The following SHISAL1 variants were observed in gnomAD, a reference collection of about 807,000 sequenced individuals.
The protein encoded by SHISAL1 is shisa like 1.
SHISAL1 carries 9 observed loss-of-function variants against 22.6 expected under a neutral mutation model. The observed-to-expected ratio is 0.40, with a 90% CI of 0.24 to 0.70. The LOEUF (loss-of-function observed/expected upper bound fraction) is 0.70, where lower values mean the gene tolerates loss of function less well. Ranked by LOEUF, SHISAL1 falls within the 30% of genes least tolerant of loss-of-function variation. The pLI, the probability that SHISAL1 is intolerant of heterozygous loss-of-function variation, is 0.39. For synonymous variants in SHISAL1, 119 were observed against 115.4 expected (o/e 1.03, Z -0.20); for missense variants, 246 against 270.6 (o/e 0.91, Z 0.64).
intron 1 of SHISAL1, among the ~76,000 whole-genome samples, chr22:44,302,212 T>A (rs2055434963): frequency 1.3e-5 from 2 of 151,890 alleles, no homozygotes; most frequent in Non-Finnish European, 2.9e-5. Flanking sequence ...TGGTGGTGCA[T>A]GTCTGTAGTC....
intron 4 of SHISAL1, among the ~76,000 whole-genome samples, chr22:44,285,226 C>T (rs1269906117): frequency 6.6e-6 from 1 of 152,202 alleles, no homozygotes; most frequent in Non-Finnish European, 1.5e-5. Context: ...GCTCTGTTTC[C>T]ACCTCTCATT....
intron 3 of SHISAL1, among the ~76,000 whole-genome samples, chr22:44,290,439 G>C (rs1303387307): frequency 2.0e-5 from 3 of 150,920 alleles, no homozygotes; most frequent in Non-Finnish European, 4.4e-5. Flanking sequence ...TGAGGCAGGG[G>C]AATTGCTTTA....
chr22:44,305,591 G>A (rs1355735319), intron 1 of SHISAL1, among the ~76,000 whole-genome samples: 4 of 152,216 alleles, frequency 2.6e-5, no homozygotes, highest in Non-Finnish European at 5.9e-5. Context: ...CAGGGACTGG[G>A]TGGGAATCCC....
chr22:44,261,077 T>TATATATA (rs1555925738), intron 4 of SHISAL1, among the ~76,000 whole-genome samples: 2 of 108,746 alleles, frequency 1.8e-5, no homozygotes, highest in African/African-American at 3.6e-5. Context: ...CTTCATTACT[T>TATATATA]TATATATATA....
At chr22:44,318,818 G>C in the SHISAL1 span, among the ~76,000 whole-genome samples, 1 of 152,336 alleles carries the variant, frequency 6.6e-6, no homozygotes, top group African/African-American at 2.4e-5. Context: ...CATGACCCTC[G>C]GGTGAGGACA....
At chr22:44,297,928 C>G (rs1375814409) in intron 2 of SHISAL1, among the ~76,000 whole-genome samples, 2 of 152,218 alleles carry the variant, frequency 1.3e-5, no homozygotes, top group African/African-American at 4.8e-5. Context: ...TAGACTGCAG[C>G]CCACACAGCT....
intron 2 of SHISAL1, among the ~76,000 whole-genome samples, chr22:44,299,276 C>T (rs967726717): frequency 2.0e-4 from 30 of 152,198 alleles, no homozygotes; most frequent in Admixed American, 1.6e-3. Flanking sequence ...TTTCGGGCCC[C>T]GAAGCCTCAA....
rs1484776981 is a variant in SHISAL1 at position 44,248,408 on chromosome 22, G to A, written c.*1277C>T. 6.8e-6 allele frequency: 1 copy of A among 146,018 alleles called. No homozygotes were observed. Among genetic ancestry groups the A allele is most frequent in the East Asian group, 1.9e-4 (1 of 5,200 alleles). The allele number at this position is 146,018 out of a possible 1,614,324, so 9.0% of individuals were successfully genotyped here. A position where few individuals can be genotyped will look rare whatever the true frequency, so the allele number is the denominator to read the frequency against. ...TGTCTACACTGGCAGCATGGCCTTT[G>A]GAGATGTTTGTGATGATTTAGGTGA... On this transcript the variant is annotated 3_prime_UTR_variant, in exon 5 of 5. Transcript: ENST00000381176.
At chr22:44,262,531 A>AC (rs1387564544) in intron 4 of SHISAL1, among the ~76,000 whole-genome samples, 1 of 152,210 alleles carries the variant, frequency 6.6e-6, no homozygotes, top group South Asian at 2.1e-4. Flanking sequence ...AGGGGTGGGG[A>AC]CCACTAGTCC....
intron 2 of SHISAL1, among the ~76,000 whole-genome samples, chr22:44,300,063 A>T (rs1297222339): frequency 6.6e-6 from 1 of 152,074 alleles, no homozygotes. Context: ...ACAGAGACAG[A>T]CACAGAGACA....
intron 4 of SHISAL1, among the ~76,000 whole-genome samples, chr22:44,270,351 C>G (rs1435316906): frequency 6.6e-6 from 1 of 152,206 alleles, no homozygotes; most frequent in Admixed American, 6.5e-5. Flanking sequence ...TCAGGGGACA[C>G]ATCTGGGCTC....
At chr22:44,317,489 G>A (rs1219675787), upstream of SHISAL1, among the ~76,000 whole-genome samples, 2 of 152,214 alleles carry the variant, frequency 1.3e-5, no homozygotes, top group Non-Finnish European at 2.9e-5. Context: ...CCTAGGCCCA[G>A]ATGTGAACAG....
At chr22:44,250,596 A>C (rs1355614030) in intron 4 of SHISAL1, among the ~76,000 whole-genome samples, 1 of 152,222 alleles carries the variant, frequency 6.6e-6, no homozygotes, top group Admixed American at 6.5e-5. Flanking sequence ...ACTCCCTTGC[A>C]AGCAGGGGTG....
rs901974972 is a variant in SHISAL1 at position 44,246,912 on chromosome 22, T to G, written c.*2773A>C. 3 of 152,190 alleles carry G rather than the reference T, an allele frequency of 2.0e-5. No homozygotes were observed. Among genetic ancestry groups the G allele is most frequent in the Non-Finnish European group, 4.4e-5 (3 of 68,070 alleles). The allele number at this position is 152,190 out of a possible 1,614,324, so 9.4% of individuals were successfully genotyped here. A position where few individuals can be genotyped will look rare whatever the true frequency, so the allele number is the denominator to read the frequency against. On this transcript the variant is annotated 3_prime_UTR_variant, in exon 5 of 5. Coordinates refer to ENST00000381176, the MANE Select transcript of SHISAL1 (RefSeq NM_001099294.2). ...GAGGCCTCCTGCTTGCCACAGAATG[T>G]TCCAGTCCTCAGCCCAGCTGCCCAA...
chr22:44,253,270 G>C (rs2147267698), intron 4 of SHISAL1, among the ~76,000 whole-genome samples: 1 of 152,096 alleles, frequency 6.6e-6, no homozygotes, highest in East Asian at 1.9e-4. Context: ...TACTGAATGA[G>C]AAAAAAGAAG....
At chr22:44,287,084 C>T (rs2055321404) in intron 3 of SHISAL1, among the ~76,000 whole-genome samples, 3 of 152,244 alleles carry the variant, frequency 2.0e-5, no homozygotes, top group South Asian at 4.1e-4. Context: ...GGGGAAGGGG[C>T]CAGCCCGGAA....
the SHISAL1 span, among the ~76,000 whole-genome samples, chr22:44,321,287 C>A: frequency 6.6e-6 from 1 of 152,222 alleles, no homozygotes; most frequent in African/African-American, 2.4e-5. Flanking sequence ...CTCAGCTTTC[C>A]ACAAGTGCCA....
intron 1 of SHISAL1, among the ~76,000 whole-genome samples, chr22:44,302,959 G>A (rs927931218): frequency 6.6e-6 from 1 of 152,036 alleles, no homozygotes; most frequent in Admixed American, 6.5e-5. Flanking sequence ...CCTGGGGTTG[G>A]GGTATCAGCA....
intron 4 of SHISAL1, among the ~76,000 whole-genome samples, chr22:44,285,085 C>T (rs185571179): frequency 6.6e-6 from 1 of 152,316 alleles, no homozygotes; most frequent in Admixed American, 6.5e-5. Flanking sequence ...GCCAGATTTA[C>T]AACTCAAAAA....
Sources: gnomAD v4.1 joint callset for allele counts (sites outside exome capture counted in the v4.1 genomes callset) on GRCh38, gnomAD v4.1.1 for gene constraint, MANE v1.5 for transcripts, NCBI Gene and HGNC (gene_info 2026-07-23, HGNC 2026-07-21) for gene names.